Variants in ITPR1 observed in about 807,000 individuals in gnomAD.
ITPR1 encodes inositol 1,4,5-trisphosphate-gated calcium channel ITPR1.
ITPR1 carries 96 observed loss-of-function variants against 318.4 expected under a neutral mutation model. The ratio of observed to expected loss-of-function variants is 0.30; its 90% CI spans 0.26 to 0.36. The LOEUF is 0.36. ITPR1 is among the 10% of genes least tolerant of loss of function. The pLI, the probability that ITPR1 is intolerant of heterozygous loss-of-function variation, is 1.00. For synonymous variants in ITPR1, 1,312 were observed against 1,289.9 expected, an observed-to-expected ratio of 1.02 and a Z score of -0.37; for missense variants, 2,440 against 3,460.2, an observed-to-expected ratio of 0.71 and a Z score of 7.40.
intron 44 of ITPR1, chr3:4,751,207 T>G (rs2044487583): frequency 6.6e-6 from 1 of 152,570 alleles, no homozygotes; most frequent in Admixed American, 6.5e-5. Flanking sequence ...GAGAATGGGT[T>G]TACCCCACAA....
At chr3:4,760,123 G>A (rs915125134) in intron 44 of ITPR1, among the ~76,000 whole-genome samples, 2 of 152,264 alleles carry the variant, frequency 1.3e-5, no homozygotes, top group Admixed American at 6.5e-5. Context: ...AGGAGAGTTG[G>A]TTGTGGCTCT....
intron 33 of ITPR1, among the ~76,000 whole-genome samples, chr3:4,696,341 A>G (rs565073440): frequency 3.9e-5 from 6 of 152,312 alleles, no homozygotes; most frequent in African/African-American, 1.4e-4. Context: ...CCTATTTGAG[A>G]CATTTCATGG....
At chr3:4,609,382 A>G (rs1401159282) in intron 4 of ITPR1, among the ~76,000 whole-genome samples, 5 of 152,062 alleles carry the variant, frequency 3.3e-5, no homozygotes. Flanking sequence ...TCATGAAATA[A>G]GAAAGCAGCT....
chr3:4,763,610 T>G (rs1260940869), intron 44 of ITPR1, among the ~76,000 whole-genome samples: 1 of 152,220 alleles, frequency 6.6e-6, no homozygotes, highest in African/African-American at 2.4e-5. Flanking sequence ...TTATTATCCA[T>G]TTTATTATTT....
chr3:4,806,205 T>C lies in ITPR1; in HGVS notation c.7210T>C (p.Leu2404=). 1 of 1,613,968 alleles carries C rather than the reference T, an allele frequency of 6.2e-7. No homozygotes were observed. Among genetic ancestry groups the C allele is most frequent in the Non-Finnish European group, 8.5e-7 (1 of 1,179,820 alleles). The change falls in exon 55 of 62, where the codon TTG becomes CTG. Residue 2404 remains leucine, a synonymous_variant. Transcript: ENST00000649015. ...MVLDVEFLYH[L]LYLVICAMGL... ...TCTGGATGTTGAGTTCCTCTATCAT[T>C]TGTTGTATCTGGTGATCTGTGCCAT...
At chr3:4,659,403 G>C (rs752879062) in intron 13 of ITPR1, among the ~76,000 whole-genome samples, 1 of 152,092 alleles carries the variant, frequency 6.6e-6, no homozygotes, top group African/African-American at 2.4e-5. Context: ...TAATCAGGCC[G>C]GGCGCAGTGC....
chr3:4,801,755 C>G (rs961133156), intron 54 of ITPR1, among the ~76,000 whole-genome samples: 4 of 151,742 alleles, frequency 2.6e-5, no homozygotes, highest in Admixed American at 6.6e-5. Context: ...CAAAGGGAGA[C>G]TCCATCTCAA....
At chr3:4,772,890 A>G (rs563734085) in intron 46 of ITPR1, among the ~76,000 whole-genome samples, 3 of 152,222 alleles carry the variant, frequency 2.0e-5, no homozygotes, top group African/African-American at 7.2e-5. Context: ...GGCTTTCAGG[A>G]ATGGGCAGCC....
At chr3:4,692,134 G>C (rs1299113231) in intron 32 of ITPR1, among the ~76,000 whole-genome samples, 4 of 121,374 alleles carry the variant, frequency 3.3e-5, no homozygotes, top group Non-Finnish European at 7.5e-5. Flanking sequence ...AGAGTGAGAC[G>C]TTGTCTCTTA....
In ITPR1 at chr3:4,613,509, G is replaced by T. The variant is rs922455865; in HGVS notation, c.164-14254G>T. Among the ~76,000 whole-genome samples, 5 of 152,250 alleles carry T rather than the reference G, an allele frequency of 3.3e-5. No homozygotes were observed. In the East Asian group the frequency reaches 9.6e-4, roughly 29 times the overall value. On this transcript the variant is annotated intron_variant, in intron 4 of 61. Transcript: ENST00000649015. ...TGCTCCTCTAGGCACTTGTCCTTGG[G>T]CCAGGGAATGCTCATTGCCTGAGTT...
At chr3:4,781,709 G>A (rs1020746864) in intron 49 of ITPR1, among the ~76,000 whole-genome samples, 1 of 152,192 alleles carries the variant, frequency 6.6e-6, no homozygotes, top group Admixed American at 6.5e-5. Context: ...GGAAACAGGT[G>A]CAGTGGCTCA....
chr3:4,683,945 G>T, intron 28 of ITPR1, 147 bp downstream of exon 28: 1 of 797,146 alleles, frequency 1.3e-6, no homozygotes, highest in Non-Finnish European at 2.0e-6. Flanking sequence ...CAAGCTGTTT[G>T]CCTAGGAAAT....
At chr3:4,703,841 G>A (rs374979000) in intron 36 of ITPR1, among the ~76,000 whole-genome samples, 2 of 152,056 alleles carry the variant, frequency 1.3e-5, no homozygotes, top group East Asian at 1.9e-4. Context: ...TGGTGTGGCC[G>A]TATTTCACAG....
At chr3:4,824,993 A>T (rs1163561703) in intron 60 of ITPR1, among the ~76,000 whole-genome samples, 1 of 152,218 alleles carries the variant, frequency 6.6e-6, no homozygotes, top group Non-Finnish European at 1.5e-5. Flanking sequence ...GAGAGGTGTC[A>T]AAGTAAAAGG....
intron 56 of ITPR1, among the ~76,000 whole-genome samples, chr3:4,812,280 C>G (rs942788773): frequency 1.3e-5 from 2 of 152,064 alleles, no homozygotes; most frequent in African/African-American, 2.4e-5. Flanking sequence ...TCAGGCGATC[C>G]CCCAGCTTTA....
intron 52 of ITPR1, among the ~76,000 whole-genome samples, chr3:4,792,947 G>A (rs2047664976): frequency 6.6e-6 from 1 of 152,172 alleles, no homozygotes. Context: ...AGTGCGGGGT[G>A]TGTTCGGGAA....
chr3:4,596,405 T>C (rs555074477), intron 4 of ITPR1, among the ~76,000 whole-genome samples: 29 of 152,324 alleles, frequency 1.9e-4, no homozygotes, highest in Admixed American at 1.4e-3. Context: ...CGCAGACTTA[T>C]TAGCTGAGTG....
intron 61 of ITPR1, among the ~76,000 whole-genome samples, chr3:4,841,094 C>T (rs1043344056): frequency 2.6e-5 from 4 of 152,154 alleles, no homozygotes; most frequent in Admixed American, 6.5e-5. Flanking sequence ...GAATATTAAA[C>T]GACCCGTACT....
intron 60 of ITPR1, among the ~76,000 whole-genome samples, chr3:4,822,812 T>G (rs1455766041): frequency 6.6e-6 from 1 of 152,162 alleles, no homozygotes; most frequent in Admixed American, 6.5e-5. Flanking sequence ...ATTCACTGAC[T>G]TGGGCCCTGG....
Sources: gnomAD v4.1 joint callset for allele counts (sites outside exome capture counted in the v4.1 genomes callset) on GRCh38, gnomAD v4.1.1 for gene constraint, MANE v1.5 for transcripts, NCBI Gene and HGNC (gene_info 2026-07-23, HGNC 2026-07-21) for gene names.